DOT1L: variants seen among roughly 807,000 people sequenced by gnomAD.
DOT1L encodes the protein histone-lysine N-methyltransferase, H3 lysine-79 specific.
A neutral mutation model predicts 153.3 loss-of-function variants in DOT1L; 33 were observed. The observed-to-expected ratio is 0.22, with a 90% CI of 0.16 to 0.29. The LOEUF (loss-of-function observed/expected upper bound fraction) is 0.29, where lower values mean the gene tolerates loss of function less well. Ranked by LOEUF, DOT1L falls within the 10% of genes least tolerant of loss-of-function variation. The pLI is 1.00. For synonymous variants in DOT1L, 1,135 were observed against 965.1 expected, an observed-to-expected ratio of 1.18 and a Z score of -3.26; for missense variants, 1,847 against 2,119.9, an observed-to-expected ratio of 0.87 and a Z score of 2.53.
At chr19:2,186,437 G>T (rs2022510398) in intron 3 of DOT1L, among the ~76,000 whole-genome samples, 1 of 152,220 alleles carries the variant, frequency 6.6e-6, no homozygotes, top group African/African-American at 2.4e-5. Flanking sequence ...ATGCTTGCTT[G>T]GAAGTGTTTT....
intron 9 of DOT1L, among the ~76,000 whole-genome samples, chr19:2,203,237 T>C (rs1406272455): frequency 2.0e-5 from 3 of 152,240 alleles, no homozygotes; most frequent in South Asian, 4.1e-4. Context: ...GTAGCTGGGA[T>C]TACAGGCACA....
rs1433461931 is a variant in DOT1L, at chr19:2,207,738, G to T, written c.963+58G>T. 6.4e-5 allele frequency: 92 copies of T among 1,440,754 alleles called. No homozygotes were observed. In the East Asian group the frequency reaches 2.1e-3, roughly 33 times the overall value. The allele number at this position is 1,440,754 out of a possible 1,614,324, so 89.2% of individuals were successfully genotyped here. ...CGTCCTGGTCTTCCACCCCGCCCAC[G>T]TCACACTGCTCTCTCCTTTCTCATG... is the stretch of plus-strand genomic sequence containing the variant. On this transcript the variant is annotated intron_variant, in intron 11 of 27. Coordinates refer to ENST00000398665, the MANE Select transcript of DOT1L (RefSeq NM_032482.3). The surrounding 1 kb of genome is among the most constrained non-coding windows in gnomAD (Gnocchi z 4.5).
chr19:2,213,518 C>T (rs779339870), intron 16 of DOT1L, 21 bp from the exon 17 acceptor site: 3 of 1,610,932 alleles, frequency 1.9e-6, no homozygotes, highest in African/African-American at 1.3e-5. Context: ...CCCTTAGTCA[C>T]CTGCCCTGTT....
intron 1 of DOT1L, among the ~76,000 whole-genome samples, chr19:2,169,306 T>C (rs147594217): frequency 6.6e-6 from 1 of 152,302 alleles, no homozygotes; most frequent in East Asian, 1.9e-4. Context: ...GATTAACCTT[T>C]AGGCAGCTTT....
In DOT1L at chr19:2,220,110, G is replaced by A. The variant is rs1386024304; in HGVS notation, c.2694G>A (p.Arg898=). 1.7e-5 allele frequency: 27 copies of A among 1,605,336 alleles called. No individual in the cohort carries two copies. Among genetic ancestry groups the A allele is most frequent in the Non-Finnish European group, 2.3e-5 (27 of 1,173,608 alleles). The change falls in exon 23 of 28, where the codon AGG becomes AGA. Residue 898 remains arginine, a splice_region_variant and synonymous_variant. Coordinates refer to ENST00000398665, the MANE Select transcript of DOT1L (RefSeq NM_032482.3). This position sits in a 1 kb window ranked among gnomAD's most constrained non-coding sequence, Gnocchi z 4.5. ...VVLPSRAERA[R]STPSPVLQPR... is the part of the protein sequence containing the mutation. ...CACACAGGGTTTTCTCTCTGCAGAG[G>A]AGCACCCCCAGTCCCGTGCTGCAGC...
At chr19:2,164,645 C>T (rs1256742197) in intron 1 of DOT1L, among the ~76,000 whole-genome samples, 2 of 128,398 alleles carry the variant, frequency 1.6e-5, no homozygotes, top group Non-Finnish European at 3.2e-5. Flanking sequence ...CCTTATTTTT[C>T]TTTTTGAGGG....
At chr19:2,187,843 A>G (rs2022597312) in intron 3 of DOT1L, among the ~76,000 whole-genome samples, 1 of 150,330 alleles carries the variant, frequency 6.7e-6, no homozygotes, top group East Asian at 2.0e-4. Flanking sequence ...AATGGTGTGA[A>G]CCCGGGAGGC....
rs985356019 is a variant in DOT1L, at chr19:2,191,691, C to T, written c.493+451C>T. Among the ~76,000 whole-genome samples, 2 of 152,182 alleles carry T rather than the reference C, an allele frequency of 1.3e-5. No individual in the cohort carries two copies. Among genetic ancestry groups the T allele is most frequent in the African/African-American group, 4.8e-5 (2 of 41,452 alleles). On this transcript the variant is annotated intron_variant, in intron 5 of 27. Coordinates refer to ENST00000398665, the MANE Select transcript of DOT1L (RefSeq NM_032482.3). The surrounding 1 kb of genome is among the most constrained non-coding windows in gnomAD (Gnocchi z 6.8). ...AAAGGTCCCCCGCGGAGGAAGACCC[C>T]AGGTCCCTGGGCTCCCGGAGGCCCT... is the stretch of plus-strand genomic sequence containing the variant.
intron 1 of DOT1L, among the ~76,000 whole-genome samples, chr19:2,179,829 G>T (rs1424250154): frequency 6.6e-6 from 1 of 152,234 alleles, no homozygotes; most frequent in Admixed American, 6.5e-5. Context: ...GGCTCTCGCT[G>T]TTTCCCAGGC....
At position 2,205,270 on chromosome 19, in the gene DOT1L, C is replaced by T. The variant is rs548104223; in HGVS notation, c.788-1459C>T. Among the ~76,000 whole-genome samples, 17 of 152,200 alleles carry T rather than the reference C, an allele frequency of 1.1e-4. No homozygotes were observed. The South Asian group carries it at 3.5e-3, about 32-fold the overall frequency. Reference sequence around the variant, plus strand: ...CAGGCATGAGCCACCGCACCTGGCCCACATTTTGACTTTTATGATTACCTT... The same window carrying T: ...CAGGCATGAGCCACCGCACCTGGCCTACATTTTGACTTTTATGATTACCTT... On this transcript the variant is annotated intron_variant, in intron 9 of 27. Coordinates refer to ENST00000398665, the MANE Select transcript of DOT1L (RefSeq NM_032482.3).
Position 2,216,751 on chromosome 19 carries a change from T to C in DOT1L, c.2394T>C (p.Ser798=). The C allele has an allele frequency of 3.8e-6, 6 of 1,592,696 alleles. No homozygotes were observed. The highest frequency in any genetic ancestry group is 4.3e-6 in the Non-Finnish European group (5 of 1,174,126). The change falls in exon 20 of 28, where the codon AGT becomes AGC. Residue 798 remains serine (S), a synonymous_variant. Coordinates refer to ENST00000398665, the MANE Select transcript of DOT1L (RefSeq NM_032482.3). ...CGGTGCCCGGCAGGCCGGCTGCCAG[T>C]GAGCTGCATTCGAGGTGAGTGCCCT... ...DHTVPGRPAA[S]ELHSRAEHTK...
rs1474412200 is a variant in DOT1L, at chr19:2,164,015, C to T, written c.-170C>T. 3.1e-5 allele frequency: 8 copies of T among 254,742 alleles called. No homozygotes were observed. The highest frequency in any genetic ancestry group is 6.0e-5 in the Admixed American group (1 of 16,732). 15.8% of individuals were successfully genotyped at this position (254,742 alleles called of 1,614,324 possible). A position where few individuals can be genotyped will look rare whatever the true frequency, so the allele number is the denominator to read the frequency against. On this transcript the variant is annotated 5_prime_UTR_variant, in exon 1 of 28. Transcript: ENST00000398665. ...TGACTACAAAGAGGGAGTCGGGGGCCGGGCCGGACCGGAGCGCGGCGGCGG... is the reference window on the plus strand; with the variant it reads ...TGACTACAAAGAGGGAGTCGGGGGCTGGGCCGGACCGGAGCGCGGCGGCGG...
At position 2,180,666 on chromosome 19, in the gene DOT1L, C is replaced by T. The variant is rs368384528; in HGVS notation, c.82-47C>T. On this transcript the variant is annotated intron_variant, in intron 1 of 27. Transcript: ENST00000398665. ...GTCCGGGAAGAGAGCGATGGGCTCA[C>T]GGGGTGGAGGATGGCTCTGCGTCTC... The T allele has an allele frequency of 2.4e-5, 39 of 1,609,984 alleles. No homozygotes were observed. The African/African-American group carries it at 2.9e-4, about 12-fold the overall frequency.
chr19:2,228,823 G>C (rs776452870), intron 27 of DOT1L: 46 of 985,316 alleles, frequency 4.7e-5, no homozygotes, highest in Non-Finnish European at 5.2e-5. Flanking sequence ...GCACGGTGCC[G>C]GCTGCAGAGG....
chr19:2,218,599 T>C (rs529840890), intron 22 of DOT1L, among the ~76,000 whole-genome samples: 87 of 152,170 alleles, frequency 5.7e-4, no homozygotes, highest in East Asian at 3.9e-3. Flanking sequence ...TTCACCGTGT[T>C]AGCCAGGATG....
intron 1 of DOT1L, among the ~76,000 whole-genome samples, chr19:2,178,315 G>C (rs2022053520): frequency 6.8e-6 from 1 of 146,562 alleles, no homozygotes; most frequent in Non-Finnish European, 1.5e-5. Context: ...GCTCACTTGA[G>C]GCCAGGAGTT....
chr19:2,216,845 A>G, intron 20 of DOT1L, 80 bp downstream of exon 20: 1 of 1,554,812 alleles, frequency 6.4e-7, no homozygotes. Context: ...TCGGGTTCTC[A>G]GCAGGAGTGT....
chr19:2,167,129 T>C (rs2019952808), intron 1 of DOT1L, among the ~76,000 whole-genome samples: 1 of 152,218 alleles, frequency 6.6e-6, no homozygotes, highest in Admixed American at 6.5e-5. Flanking sequence ...TTTCCAATTT[T>C]TGGTGATTAG....
chr19:2,196,927 GT>G, intron 7 of DOT1L, among the ~76,000 whole-genome samples: 1 of 152,314 alleles, frequency 6.6e-6, no homozygotes, highest in Admixed American at 6.5e-5. Context: ...GCGCTTTTTC[GT>G]TGCTGCTTCT....
Sources: allele counts gnomAD v4.1 joint callset (sites outside exome capture counted in the v4.1 genomes callset), GRCh38; gene constraint gnomAD v4.1.1; non-coding constraint Gnocchi (gnomAD v3.1); transcripts MANE v1.5; gene names NCBI Gene and HGNC (gene_info 2026-07-23, HGNC 2026-07-21).